Variants in GXYLT2 observed in about 807,000 individuals in gnomAD.
GXYLT2 encodes the protein glucoside xylosyltransferase 2.
A neutral mutation model predicts 45.8 loss-of-function variants in GXYLT2; 53 were observed. The ratio of observed to expected loss-of-function variants is 1.16; its 90% CI spans 0.93 to 1.46. GXYLT2 has a LOEUF of 1.46. Among genes scored for constraint, GXYLT2 ranks in the 40% most tolerant of loss-of-function variants. The pLI is 0.00. For missense variants in GXYLT2, 551 were observed against 544.4 expected (o/e 1.01, Z -0.12); for synonymous variants, 219 against 214.2 (o/e 1.02, Z -0.19).
In GXYLT2 at chr3:72,915,362, G is replaced by A. The variant is rs556978943; in HGVS notation, c.468+6803G>A. On this transcript the variant is annotated intron_variant, in intron 2 of 6. Transcript: ENST00000389617. ...CCTTTTTTTTTTTTTTTTGCGGGGG[G>A]GGGGGGGATTTAGGAAAAATAGCCC... Among the ~76,000 whole-genome samples, 87 of 109,858 alleles carry A rather than the reference G, an allele frequency of 7.9e-4. 8 individuals carry two copies. Among genetic ancestry groups the A allele is most frequent in the South Asian group, 1.3e-3 (4 of 3,034 alleles). 72.1% of individuals were successfully genotyped at this position (109,858 alleles called of 152,430 possible).
At position 72,976,850 on chromosome 3, in the gene GXYLT2, C is replaced by T. The variant is rs1237230196; in HGVS notation, c.*1691C>T. ...ATTGCTATTCTGTAAGACATACAGT[C>T]TGTGTAAGATGTATCTTATTTACAG... On this transcript the variant is annotated 3_prime_UTR_variant, in exon 7 of 7. Coordinates refer to ENST00000389617, the MANE Select transcript of GXYLT2 (RefSeq NM_001080393.2). 1 of 152,006 alleles carries T rather than the reference C, an allele frequency of 6.6e-6. No homozygotes were observed. Among genetic ancestry groups the T allele is most frequent in the African/African-American group, 2.4e-5 (1 of 41,366 alleles). The allele number at this position is 152,006 out of a possible 1,614,324, so 9.4% of individuals were successfully genotyped here. A position where few individuals can be genotyped will look rare whatever the true frequency, so the allele number is the denominator to read the frequency against.
intron 1 of GXYLT2, 115 bp downstream of exon 1, chr3:72,888,623 C>A (rs550420590): frequency 3.0e-4 from 214 of 719,488 alleles, no homozygotes; most frequent in South Asian, 1.4e-3. Flanking sequence ...GTTTCACCCA[C>A]GGGCTGCCCA....
intron 6 of GXYLT2, among the ~76,000 whole-genome samples, chr3:72,970,077 G>A (rs932445525): frequency 4.6e-5 from 7 of 152,028 alleles, no homozygotes; most frequent in African/African-American, 1.4e-4. Flanking sequence ...TCGGCCTGGT[G>A]TGGTGGTTTA....
At chr3:72,974,340 A>G (rs1456280127) in intron 6 of GXYLT2, among the ~76,000 whole-genome samples, 1 of 152,232 alleles carries the variant, frequency 6.6e-6, no homozygotes, top group Admixed American at 6.5e-5. Flanking sequence ...TACCTGAATT[A>G]TTAAAATCTG....
At chr3:72,940,987 A>G (rs1710287234) in intron 3 of GXYLT2, among the ~76,000 whole-genome samples, 1 of 152,180 alleles carries the variant, frequency 6.6e-6, no homozygotes, top group Admixed American at 6.5e-5. Context: ...CCCAATTTTT[A>G]AAAATAGTAA....
chr3:72,955,277 C>G lies in GXYLT2; in HGVS notation c.780C>G (p.Phe260Leu). Residue 260 changes from phenylalanine to leucine, a missense_variant, in exon 4 of 7, where the codon TTC becomes TTG. Transcript: ENST00000389617. ...GWYSRFARHP[F>L]YGSAGVNSGV... ...ACAGCCGCTTTGCTAGGCATCCTTT[C>G]TATGGCTCTGCAGGAGTTAATTCAG... The G allele has an allele frequency of 6.2e-7, 1 of 1,614,028 alleles. No homozygotes were observed. Among genetic ancestry groups the G allele is most frequent in the East Asian group, 2.2e-5 (1 of 44,884 alleles).
chr3:72,929,819 C>T (rs1559738366), intron 3 of GXYLT2, among the ~76,000 whole-genome samples: 1 of 152,104 alleles, frequency 6.6e-6, no homozygotes. Flanking sequence ...GACATAAATT[C>T]GACTATATAA....
chr3:72,898,349 C>T (rs1435353291), intron 1 of GXYLT2, among the ~76,000 whole-genome samples: 1 of 152,112 alleles, frequency 6.6e-6, no homozygotes, highest in African/African-American at 2.4e-5. Flanking sequence ...TAATTCTTCT[C>T]CCTCGTATGT....
chr3:72,975,098 C>T lies in GXYLT2; in HGVS notation c.1271C>T (p.Thr424Ile), dbSNP rs757686888. 5.6e-6 allele frequency: 9 copies of T among 1,613,490 alleles called. No homozygotes were observed. Among genetic ancestry groups the T allele is most frequent in the Middle Eastern group, 1.6e-4 (1 of 6,084 alleles). ...GTTTTTCTGAAGCAAATTGAGAAAA[C>T]AATGAAAAGGGCTTATGAGAAACAC... is the stretch of plus-strand genomic sequence containing the variant. The part of the protein sequence containing the change: ...PQVFLKQIEK[T>I]MKRAYEKHVI... The change falls in exon 7 of 7, where the codon ACA becomes ATA. Residue 424 changes from threonine (T) to isoleucine (I), a missense_variant. Coordinates refer to ENST00000389617, the MANE Select transcript of GXYLT2 (RefSeq NM_001080393.2).
At chr3:72,916,668 T>C (rs1709749932) in intron 2 of GXYLT2, among the ~76,000 whole-genome samples, 1 of 151,982 alleles carries the variant, frequency 6.6e-6, no homozygotes, top group Non-Finnish European at 1.5e-5. Flanking sequence ...GCCCCCCTAG[T>C]AGCTGGGATT....
At position 72,914,066 on chromosome 3, in the gene GXYLT2, C is replaced by A. The variant is rs1374248851; in HGVS notation, c.468+5507C>A. ...TCACCCTTCTCCAGGGCATTGTGGG[C>A]AACCCAGGGTTTTTTTTGGGATAAC... On this transcript the variant is annotated intron_variant, in intron 2 of 6. Coordinates refer to ENST00000389617, the MANE Select transcript of GXYLT2 (RefSeq NM_001080393.2). 2.6e-5 allele frequency among the ~76,000 whole-genome samples: 4 copies of A among 152,114 alleles called. No homozygotes were observed. In the South Asian group the frequency reaches 8.3e-4, roughly 32 times the overall value.
chr3:72,908,646 T>G, intron 2 of GXYLT2, 87 bp downstream of exon 2: 1 of 1,103,936 alleles, frequency 9.1e-7, no homozygotes, highest in Admixed American at 2.4e-5. Context: ...ACTAATGTAT[T>G]TTGCTGCATG....
chr3:72,888,581 G>A, intron 1 of GXYLT2, 73 bp downstream of exon 1: 1 of 1,000,022 alleles, frequency 1.0e-6, no homozygotes, highest in Non-Finnish European at 1.2e-6. Context: ...CAAGTCCAAG[G>A]GAGGCTTTGC....
At chr3:72,966,873 C>T (rs1318536547) in intron 5 of GXYLT2, among the ~76,000 whole-genome samples, 1 of 151,584 alleles carries the variant, frequency 6.6e-6, no homozygotes, top group Non-Finnish European at 1.5e-5. Context: ...GATTTGCCTG[C>T]CTTGGCCTCC....
intron 3 of GXYLT2, among the ~76,000 whole-genome samples, chr3:72,950,810 T>A (rs1710507531): frequency 6.6e-6 from 1 of 152,232 alleles, no homozygotes. Context: ...GGTGAGCCCC[T>A]GATCGTCTTG....
At chr3:72,920,814 A>G (rs1037379307) in intron 2 of GXYLT2, among the ~76,000 whole-genome samples, 2 of 140,238 alleles carry the variant, frequency 1.4e-5, no homozygotes, top group East Asian at 2.0e-4. Context: ...ATATATATAT[A>G]TGTATTTTTT....
At chr3:72,955,899 G>A (rs955806425) in intron 4 of GXYLT2, among the ~76,000 whole-genome samples, 18 of 152,104 alleles carry the variant, frequency 1.2e-4, no homozygotes, top group Admixed American at 1.1e-3. Context: ...CCAACATGGC[G>A]AAACCCTGTC....
At chr3:72,921,788 T>C (rs1709837554) in intron 2 of GXYLT2, among the ~76,000 whole-genome samples, 2 of 152,190 alleles carry the variant, frequency 1.3e-5, no homozygotes, top group Non-Finnish European at 2.9e-5. Context: ...CCCAATTCCT[T>C]ATTATTGGAC....
rs567665541 is a variant in GXYLT2, at chr3:72,917,776, T to C, written c.469-4428T>C. ...CCATCTCAAAAAAAAAAAAAAAAGT[T>C]TATATGGTTATATAAACAATATATG... On this transcript the variant is annotated intron_variant, in intron 2 of 6. Transcript: ENST00000389617. 8.3e-4 allele frequency among the ~76,000 whole-genome samples: 126 copies of C among 151,632 alleles called. 1 individual carries two copies. Among genetic ancestry groups the C allele is most frequent in the African/African-American group, 3.0e-3 (124 of 41,346 alleles).
Sources: allele counts gnomAD v4.1 joint callset (sites outside exome capture counted in the v4.1 genomes callset), GRCh38; gene constraint gnomAD v4.1.1; transcripts MANE v1.5; gene names NCBI Gene and HGNC (gene_info 2026-07-23, HGNC 2026-07-21).